Variants in CSNK2A2IP observed in about 807,000 individuals in gnomAD.
CSNK2A2IP encodes casein kinase 2 subunit alpha' interacting protein.
chr3:88,465,418 T>C, the CSNK2A2IP span: 1 of 1,231,514 alleles, frequency 8.1e-7, no homozygotes, highest in Non-Finnish European at 1.0e-6. Context: ...CTACCAACTG[T>C]CCTCAGCCAA....
chr3:88,371,253 C>T, the CSNK2A2IP span, among the ~76,000 whole-genome samples: 33 of 151,840 alleles, frequency 2.2e-4, no homozygotes, highest in African/African-American at 7.7e-4. Context: ...TTAACACAGA[C>T]ATCAAAGCAG....
At chr3:88,448,551 G>A in the CSNK2A2IP span, among the ~76,000 whole-genome samples, 1 of 152,126 alleles carries the variant, frequency 6.6e-6, no homozygotes, top group East Asian at 1.9e-4. Context: ...TGGCAGATAG[G>A]CCATATGTAT....
chr3:88,459,630 T>C, the CSNK2A2IP span, among the ~76,000 whole-genome samples: 1 of 152,144 alleles, frequency 6.6e-6, no homozygotes, highest in African/African-American at 2.4e-5. Context: ...TGCTAATCTT[T>C]TATCAACTTG....
At chr3:88,442,403 T>C in the CSNK2A2IP span, among the ~76,000 whole-genome samples, 1 of 151,916 alleles carries the variant, frequency 6.6e-6, no homozygotes, top group East Asian at 1.9e-4. Flanking sequence ...ATTACATAAC[T>C]AAGGGATGCC....
At chr3:88,370,274 A>G in the CSNK2A2IP span, among the ~76,000 whole-genome samples, 2 of 151,886 alleles carry the variant, frequency 1.3e-5, no homozygotes, top group South Asian at 4.1e-4. Flanking sequence ...TAAAGAAAAG[A>G]CTGAGGTTTT....
At chr3:88,362,272 T>G in the CSNK2A2IP span, among the ~76,000 whole-genome samples, 1 of 152,136 alleles carries the variant, frequency 6.6e-6, no homozygotes, top group African/African-American at 2.4e-5. Context: ...TAATAAAGAT[T>G]GGGGGTTATT....
the CSNK2A2IP span, among the ~76,000 whole-genome samples, chr3:88,341,687 A>G: frequency 2.0e-5 from 3 of 151,938 alleles, no homozygotes; most frequent in Non-Finnish European, 4.4e-5. Context: ...TTGGCTTTAG[A>G]TGACCTTGAA....
chr3:88,350,242 C>G, the CSNK2A2IP span, among the ~76,000 whole-genome samples: 1 of 152,138 alleles, frequency 6.6e-6, no homozygotes, highest in African/African-American at 2.4e-5. Context: ...AGGCCAGATT[C>G]TCCATGGTGC....
At chr3:88,368,251 C>T in the CSNK2A2IP span, among the ~76,000 whole-genome samples, 3 of 151,862 alleles carry the variant, frequency 2.0e-5, no homozygotes, top group African/African-American at 4.8e-5. Context: ...ACAGTAGTAA[C>T]AAGACAGAGC....
the CSNK2A2IP span, among the ~76,000 whole-genome samples, chr3:88,443,858 T>A: frequency 2.4e-3 from 355 of 150,382 alleles, 1 homozygote; most frequent in African/African-American, 8.2e-3. Flanking sequence ...TCACCAGTTT[T>A]CTCTGAGTAA....
the CSNK2A2IP span, among the ~76,000 whole-genome samples, chr3:88,452,522 T>A: frequency 6.6e-6 from 1 of 152,176 alleles, no homozygotes; most frequent in Admixed American, 6.6e-5. Context: ...AAGGTGATGC[T>A]GTTTGGCTTC....
chr3:88,427,620 C>T, the CSNK2A2IP span, among the ~76,000 whole-genome samples: 1,035 of 152,202 alleles, frequency 6.8e-3, 8 homozygotes, highest in Middle Eastern at 0.071. Context: ...CCAGTGGTGG[C>T]CAAAAGGGGC....
At chr3:88,448,965 C>A in the CSNK2A2IP span, among the ~76,000 whole-genome samples, 1 of 152,044 alleles carries the variant, frequency 6.6e-6, no homozygotes, top group Non-Finnish European at 1.5e-5. Flanking sequence ...TGGTAGGTAG[C>A]GTTTAATCAT....
chr3:88,436,958 T>A, the CSNK2A2IP span, among the ~76,000 whole-genome samples: 12,698 of 152,192 alleles, frequency 0.083, 934 homozygotes, highest in Admixed American at 0.24. Flanking sequence ...TGAGCAACAT[T>A]GTCTTCTAGT....
chr3:88,432,658 CT>C, the CSNK2A2IP span, among the ~76,000 whole-genome samples: 1 of 151,110 alleles, frequency 6.6e-6, no homozygotes, highest in African/African-American at 2.4e-5. Context: ...CAATTGAATA[CT>C]TTTTTTCTAA....
chr3:88,401,195 A>G, the CSNK2A2IP span, among the ~76,000 whole-genome samples: 2 of 152,320 alleles, frequency 1.3e-5, no homozygotes, highest in Admixed American at 1.3e-4. Context: ...ACAAAAGTCA[A>G]ATATAAGGCC....
the CSNK2A2IP span, among the ~76,000 whole-genome samples, chr3:88,352,656 G>A: frequency 6.6e-6 from 1 of 151,914 alleles, no homozygotes; most frequent in Non-Finnish European, 1.5e-5. Flanking sequence ...ACAGCTCACT[G>A]CGGCCTCAAC....
the CSNK2A2IP span, among the ~76,000 whole-genome samples, chr3:88,349,481 C>A: frequency 6.6e-6 from 1 of 152,028 alleles, no homozygotes; most frequent in East Asian, 1.9e-4. Flanking sequence ...TTTTTTATGG[C>A]TGAATAATAT....
chr3:88,367,400 A>G, the CSNK2A2IP span, among the ~76,000 whole-genome samples: 1 of 152,112 alleles, frequency 6.6e-6, no homozygotes, highest in East Asian at 1.9e-4. Flanking sequence ...GAAAGAAAGC[A>G]GTAAAGATAA....
Sources: allele counts gnomAD v4.1 joint callset (sites outside exome capture counted in the v4.1 genomes callset), GRCh38; gene constraint gnomAD v4.1.1; transcripts MANE v1.5; gene names NCBI Gene and HGNC (gene_info 2026-07-23, HGNC 2026-07-21).